Variants in MED16 observed in about 807,000 individuals in gnomAD.
MED16 encodes mediator complex subunit 16, also known as mediator of RNA polymerase II transcription subunit 16.
In MED16, 81 loss-of-function variants were observed where a neutral mutation model predicts 84.4. The ratio of observed to expected loss-of-function variants is 0.96; its 90% CI spans 0.80 to 1.15. MED16 has a LOEUF of 1.15. MED16 is among the 50% of genes most tolerant of loss of function. The pLI, the probability that MED16 is intolerant of heterozygous loss-of-function variation, is 0.00. For missense variants in MED16, 1,585 were observed against 1,245.9 expected, an observed-to-expected ratio of 1.27 and a Z score of -4.10; for synonymous variants, 897 against 552.2, an observed-to-expected ratio of 1.62 and a Z score of -8.76.
At chr19:874,239 G>A (rs572950494) in intron 10 of MED16, among the ~76,000 whole-genome samples, 40 of 151,992 alleles carry the variant, frequency 2.6e-4, no homozygotes, top group African/African-American at 2.9e-4. Context: ...TCAGCCTCCC[G>A]AGTAGCTGGG....
Position 868,106 on chromosome 19 carries a change from G to C in MED16, c.2629C>G (p.Pro877Ala). 1 of 1,608,016 alleles carries C rather than the reference G, an allele frequency of 6.2e-7. No individual in the cohort carries two copies. Among genetic ancestry groups the C allele is most frequent in the East Asian group, 2.2e-5 (1 of 44,854 alleles). The stretch of plus-strand genomic sequence containing the variant: ...TCCGCCTGGACCCCCGGCCGTCACG[G>C]ACGGTCCTCTGGATGCAGATGGTCC... ...SLDHLHPEDR[P>A] The change falls in exon 16 of 16, where the codon CCG becomes GCG. Residue 877 changes from proline to alanine, a missense_variant. Physicochemically the swap from Pro to Ala is conservative, Grantham distance 27. Coordinates refer to ENST00000325464, the MANE Select transcript of MED16 (RefSeq NM_005481.3).
In MED16 at chr19:868,062, G is replaced by A. The variant is rs754462464; in HGVS notation, c.*39C>T. ...AGGCAAGGAAACCGAGGAGACGCCC[G>A]AGCCGGGTCACCACAAGGTCCGCCT... On this transcript the variant is annotated 3_prime_UTR_variant, in exon 16 of 16. Transcript: ENST00000325464. The A allele has an allele frequency of 6.5e-5, 102 of 1,565,440 alleles. No homozygotes were observed. Among genetic ancestry groups the A allele is most frequent in the East Asian group, 2.0e-4 (9 of 44,524 alleles).
intron 2 of MED16, 171 bp from the exon 3 acceptor site, chr19:890,415 A>G: frequency 1.9e-6 from 1 of 533,898 alleles, no homozygotes. Flanking sequence ...CCGCAGGAAC[A>G]GAGCAGGCCT....
chr19:869,189 G>GCTTA (rs2035988684), intron 13 of MED16, among the ~76,000 whole-genome samples: 1 of 152,052 alleles, frequency 6.6e-6, no homozygotes, highest in South Asian at 2.1e-4. Context: ...GGAGCTTGAG[G>GCTTA]CTTAGAGACC....
At chr19:888,524 CAAAAA>C (rs34583289) in intron 4 of MED16, among the ~76,000 whole-genome samples, 7 of 96,954 alleles carry the variant, frequency 7.2e-5, no homozygotes, top group Admixed American at 2.3e-4. Flanking sequence ...ACTCTGTCTC[CAAAAA>C]AAAAAAAAAA....
At chr19:889,951 C>A in intron 3 of MED16, 144 bp from the exon 4 acceptor site, 1 of 1,002,600 alleles carries the variant, frequency 1.0e-6, no homozygotes, top group Non-Finnish European at 1.4e-6. Flanking sequence ...AGGCGCACTC[C>A]AGAGATGCCC....
At chr19:880,228 G>A (rs537936758) in intron 7 of MED16, 80 bp from the exon 8 acceptor site, 4 of 1,355,200 alleles carry the variant, frequency 3.0e-6, no homozygotes, top group Admixed American at 3.1e-5. Context: ...GCTCTGCAGG[G>A]TGTGGAGAGC....
At chr19:877,431 T>C (rs1001670890) in intron 8 of MED16, among the ~76,000 whole-genome samples, 1 of 152,128 alleles carries the variant, frequency 6.6e-6, no homozygotes, top group Non-Finnish European at 1.5e-5. Context: ...AGGCTTACAC[T>C]CGTCTGCTTT....
At chr19:879,278 C>T (rs1292193717) in intron 8 of MED16, among the ~76,000 whole-genome samples, 3 of 151,266 alleles carry the variant, frequency 2.0e-5, no homozygotes, top group Non-Finnish European at 2.9e-5. Context: ...TGTCAATGCC[C>T]AGCAGCTCAC....
chr19:872,258 C>T lies in MED16; in HGVS notation c.1906-140G>A, dbSNP rs373632661. 9.0e-5 allele frequency: 59 copies of T among 657,492 alleles called. 1 individual carries two copies. The South Asian group carries it at 1.2e-3, about 13-fold the overall frequency. The allele number at this position is 657,492 out of a possible 1,614,324, so 40.7% of individuals were successfully genotyped here. On this transcript the variant is annotated intron_variant, in intron 11 of 15. Coordinates refer to ENST00000325464, the MANE Select transcript of MED16 (RefSeq NM_005481.3). The stretch of plus-strand genomic sequence containing the variant: ...ATTTGTGGTGGTCAGGACTGGGGTG[C>T]TTCTGGCACCGAGTGGGTGGATGCC...
At position 873,326 on chromosome 19, in the gene MED16, GGGGCGGGAC is replaced by G; in HGVS notation, c.1905+114_1905+122del. 2.7e-5 allele frequency: 8 copies of G among 298,852 alleles called. No individual in the cohort carries two copies. In the South Asian group the frequency reaches 4.6e-4, roughly 17 times the overall value. The allele number at this position is 298,852 out of a possible 1,614,324, so 18.5% of individuals were successfully genotyped here. A position where few individuals can be genotyped will look rare whatever the true frequency, so the allele number is the denominator to read the frequency against. On this transcript the variant is annotated intron_variant, in intron 11 of 15. Coordinates refer to ENST00000325464, the MANE Select transcript of MED16 (RefSeq NM_005481.3). ...CCAAGTAGGGGCGGGACTCCAAGTA[GGGGCGGGAC>G]TCCAACTAGGGGCGGGGCTGAGGTG...
Position 890,289 on chromosome 19 carries a change from G to A in MED16, c.170-45C>T, listed in dbSNP as rs745431954. On this transcript the variant is annotated intron_variant, in intron 2 of 15. Coordinates refer to ENST00000325464, the MANE Select transcript of MED16 (RefSeq NM_005481.3). ...TCAGCACGGCCTGGCACCACAGCCT[G>A]CAGACGATGACGATGACTCCAGGCA... 3.7e-6 allele frequency: 5 copies of A among 1,346,516 alleles called. No individual in the cohort carries two copies. In the African/African-American group the frequency reaches 4.4e-5, roughly 12 times the overall value. 83.4% of individuals were successfully genotyped at this position (1,346,516 alleles called of 1,614,324 possible).
Position 886,558 on chromosome 19 carries a change from C to T in MED16, c.448-357G>A, listed in dbSNP as rs534293093. Among the ~76,000 whole-genome samples, 409 of 152,326 alleles carry T rather than the reference C, an allele frequency of 2.7e-3. 1 individual carries two copies. The highest frequency in any genetic ancestry group is 6.1e-3 in the Admixed American group (94 of 15,302). On this transcript the variant is annotated intron_variant, in intron 4 of 15. Transcript: ENST00000325464. ...TGCAACGACTTGGCTCTGGCTCTGC[C>T]GTGGCGGCACACAGGCAGCTGGTGC...
chr19:880,299 G>A, intron 7 of MED16, 151 bp from the exon 8 acceptor site: 3 of 640,682 alleles, frequency 4.7e-6, no homozygotes, highest in Non-Finnish European at 7.4e-6. Context: ...CGTGCCCCCA[G>A]CCACTCTTTC....
chr19:868,616 C>G, intron 14 of MED16, 117 bp from the exon 15 acceptor site: 1 of 1,363,126 alleles, frequency 7.3e-7, no homozygotes, highest in Non-Finnish European at 1.0e-6. Flanking sequence ...CGCCTGCTCC[C>G]CACGTCCCCA....
rs747043861 is a variant in MED16, at chr19:886,212, G to C, written c.448-11C>G. The C allele has an allele frequency of 9.9e-5, 148 of 1,488,234 alleles. 1 individual carries two copies. Among genetic ancestry groups the C allele is most frequent in the Non-Finnish European group, 9.5e-5 (107 of 1,124,310 alleles). The allele number at this position is 1,488,234 out of a possible 1,614,324, so 92.2% of individuals were successfully genotyped here. The stretch of plus-strand genomic sequence containing the variant: ...GCTGGAGGCGCCCGACTGTGGAGAA[G>C]GGAGGGAGGGAGGAGGGGCCGCTCA... On this transcript the variant is annotated splice_polypyrimidine_tract_variant and intron_variant, in intron 4 of 15. Transcript: ENST00000325464.
chr19:875,616 G>A (rs531237567), intron 9 of MED16, among the ~76,000 whole-genome samples, 162 bp from the exon 10 acceptor site: 176 of 152,314 alleles, frequency 1.2e-3, no homozygotes, highest in African/African-American at 3.9e-3. Flanking sequence ...AAACAGGTGC[G>A]GAAGACCAGG....
At chr19:885,059 C>A (rs575866495) in intron 5 of MED16, 51 bp from the exon 6 acceptor site, 1 of 1,392,932 alleles carries the variant, frequency 7.2e-7, no homozygotes, top group African/African-American at 1.4e-5. Context: ...GTGGTGGCCA[C>A]GCCACCACCG....
intron 12 of MED16, chr19:871,648 G>A (rs995469389): frequency 6.3e-6 from 10 of 1,593,104 alleles, no homozygotes; most frequent in South Asian, 4.4e-5. Flanking sequence ...ACAGAGCATG[G>A]ACCTGTGCTA....
Sources: allele counts gnomAD v4.1 joint callset (sites outside exome capture counted in the v4.1 genomes callset), GRCh38; gene constraint gnomAD v4.1.1; transcripts MANE v1.5; gene names NCBI Gene and HGNC (gene_info 2026-07-23, HGNC 2026-07-21).